The following OR14K1 variants were observed in gnomAD, a reference collection of about 807,000 sequenced individuals.
OR14K1 encodes olfactory receptor 14K1.
For missense variants in OR14K1, 253 were observed against 174.4 expected (o/e 1.45, Z -2.54); for synonymous variants, 104 against 70.0 (o/e 1.49, Z -2.42).
Position 247,739,276 on chromosome 1 carries a change from C to G in OR14K1, c.662C>G (p.Ser221Cys), listed in dbSNP as rs754928757. Residue 221 changes from serine (S) to cysteine (C), a missense_variant, in exon 1 of 1, where the codon TCT becomes TGT. Physicochemically the swap from Ser to Cys is moderately radical, Grantham distance 112 (BLOSUM62 -1). Transcript: ENST00000283225. ...CIVVSYVYIF[S>C]AVLRISQRQR... The stretch of plus-strand genomic sequence containing the variant: ...GTAGTTTCCTATGTGTACATTTTCT[C>G]TGCTGTGTTAAGGATATCACAGAGA... The G allele has an allele frequency of 7.7e-6, 6 of 780,750 alleles. No individual in the cohort carries two copies. The highest frequency in any genetic ancestry group is 1.4e-5 in the Non-Finnish European group (6 of 417,998). The allele number at this position is 780,750 out of a possible 1,614,324, so 48.4% of individuals were successfully genotyped here.
In OR14K1 at chr1:247,738,797, C is replaced by T; in HGVS notation, c.183C>T (p.Leu61=). 1 of 780,816 alleles carries T rather than the reference C, an allele frequency of 1.3e-6. No homozygotes were observed. The highest frequency in any genetic ancestry group is 2.4e-6 in the Non-Finnish European group (1 of 417,964). The allele number at this position is 780,816 out of a possible 1,614,324, so 48.4% of individuals were successfully genotyped here. A position where few individuals can be genotyped will look rare whatever the true frequency, so the allele number is the denominator to read the frequency against. The part of the protein sequence containing the change: ...HRLHMAMYFF[L]RHLSFLDLCL... ...TCCACATGGCAATGTACTTTTTCCT[C>T]CGACATTTGTCCTTCTTAGACCTGT... is the stretch of plus-strand genomic sequence containing the variant. The change falls in exon 1 of 1, where the codon CTC becomes CTT. Residue 61 remains leucine (L), a synonymous_variant. Transcript: ENST00000283225.
In OR14K1 at chr1:247,739,039, T is replaced by G; in HGVS notation, c.425T>G (p.Leu142Trp). The G allele has an allele frequency of 1.3e-6, 1 of 780,788 alleles. No individual in the cohort carries two copies. The highest frequency in any genetic ancestry group is 1.3e-5 in the South Asian group (1 of 74,594). The allele number at this position is 780,788 out of a possible 1,614,324, so 48.4% of individuals were successfully genotyped here. A position where few individuals can be genotyped will look rare whatever the true frequency, so the allele number is the denominator to read the frequency against. ...AVMSRGLCVQ[L>W]MALSWLNRGA... The stretch of plus-strand genomic sequence containing the variant: ...ATGAGCAGAGGGCTCTGTGTCCAGT[T>G]GATGGCTCTGTCCTGGCTCAACAGA... Residue 142 changes from leucine (L) to tryptophan (W), a missense_variant, in exon 1 of 1, where the codon TTG becomes TGG. Physicochemically the swap from Leu to Trp is moderately conservative, Grantham distance 61. Transcript: ENST00000283225.
rs1413014689 is a variant in OR14K1, at chr1:247,739,053, T to C, written c.439T>C (p.Trp147Arg). The change falls in exon 1 of 1, where the codon TGG becomes CGG. Residue 147 changes from tryptophan to arginine, a missense_variant. Physicochemically the swap from Trp to Arg is moderately radical, Grantham distance 101. Transcript: ENST00000283225. ...CTGTGTCCAGTTGATGGCTCTGTCC[T>C]GGCTCAACAGAGGGGCCTTGGGACT... ...GLCVQLMALS[W>R]LNRGALGLLY... 2 of 780,686 alleles carry C rather than the reference T, an allele frequency of 2.6e-6. No individual in the cohort carries two copies. The highest frequency in any genetic ancestry group is 1.3e-5 in the South Asian group (1 of 74,612). 48.4% of individuals were successfully genotyped at this position (780,686 alleles called of 1,614,324 possible).
rs117057185 is a variant in OR14K1, at chr1:247,738,636, A to G, written c.22A>G (p.Met8Val). Residue 8 changes from methionine (M) to valine (V), a missense_variant, in exon 1 of 1, where the codon ATG becomes GTG. Physicochemically the swap from Met to Val is conservative, Grantham distance 21. Transcript: ENST00000283225. MTNQTQM[M>V]EFLLVRFTEN... ...AACTATGACCAATCAGACACAGATG[A>G]TGGAATTCTTGCTTGTGAGATTTAC... The G allele has an allele frequency of 1.3e-4, 100 of 780,074 alleles. No individual in the cohort carries two copies. The East Asian group carries it at 2.4e-3, about 19-fold the overall frequency. The allele number at this position is 780,074 out of a possible 1,614,324, so 48.3% of individuals were successfully genotyped here.
At position 247,739,018 on chromosome 1, in the gene OR14K1, G is replaced by A. The variant is rs751585299; in HGVS notation, c.404G>A (p.Ser135Asn). 10 of 780,648 alleles carry A rather than the reference G, an allele frequency of 1.3e-5. No homozygotes were observed. Among genetic ancestry groups the A allele is most frequent in the Non-Finnish European group, 2.2e-5 (9 of 417,952 alleles). 48.4% of individuals were successfully genotyped at this position (780,648 alleles called of 1,614,324 possible). Residue 135 changes from serine (S) to asparagine (N), a missense_variant, in exon 1 of 1, where the codon AGC becomes AAC. Ser to Asn is a conservative substitution (Grantham distance 46). Coordinates refer to ENST00000283225, the MANE Select transcript of OR14K1 (RefSeq NM_001004732.2). The part of the protein sequence containing the change: ...CCPLHCEAVM[S>N]RGLCVQLMAL... ...CCCCTACACTGTGAGGCTGTCATGA[G>A]CAGAGGGCTCTGTGTCCAGTTGATG...
rs567311416 is a variant in OR14K1 at position 247,739,213 on chromosome 1, T to C, written c.599T>C (p.Ile200Thr). Residue 200 changes from isoleucine to threonine, a missense_variant, in exon 1 of 1, where the codon ATT becomes ACT. Transcript: ENST00000283225. ...EHAIISVSVAIGVCYAFSCLV... is the reference protein window; with the variant it reads ...EHAIISVSVATGVCYAFSCLV... Reference sequence around the variant, plus strand: ...GCCATCATTAGTGTCAGTGTGGCCATTGGGGTCTGTTATGCATTTTCATGT... The same window carrying C: ...GCCATCATTAGTGTCAGTGTGGCCACTGGGGTCTGTTATGCATTTTCATGT... The C allele has an allele frequency of 2.0e-5, 16 of 780,876 alleles. No homozygotes were observed. The highest frequency in any genetic ancestry group is 7.3e-5 in the East Asian group (3 of 41,250). 48.4% of individuals were successfully genotyped at this position (780,876 alleles called of 1,614,324 possible). A position where few individuals can be genotyped will look rare whatever the true frequency, so the allele number is the denominator to read the frequency against.
rs1313250733 is a variant in OR14K1 at position 247,738,657 on chromosome 1, T to G, written c.43T>G (p.Phe15Val). 15 of 780,516 alleles carry G rather than the reference T, an allele frequency of 1.9e-5. No individual in the cohort carries two copies. Among genetic ancestry groups the G allele is most frequent in the Non-Finnish European group, 3.1e-5 (13 of 417,892 alleles). 48.3% of individuals were successfully genotyped at this position (780,516 alleles called of 1,614,324 possible). ...TQMMEFLLVRFTENWVLLRLH... is the reference protein window; with the variant it reads ...TQMMEFLLVRVTENWVLLRLH... Reference sequence around the variant, plus strand: ...GATGATGGAATTCTTGCTTGTGAGATTTACTGAGAATTGGGTGCTCCTGAG... The same window carrying G: ...GATGATGGAATTCTTGCTTGTGAGAGTTACTGAGAATTGGGTGCTCCTGAG... Residue 15 changes from phenylalanine (F) to valine (V), a missense_variant, in exon 1 of 1, where the codon TTT becomes GTT. Transcript: ENST00000283225.
rs779505507 is a variant in OR14K1 at position 247,738,907 on chromosome 1, A to G, written c.293A>G (p.Gln98Arg). ...ATCTCCTTCCTGGGGTGTGTGTTGC[A>G]GCTCTTCTTGGTGGTACTGCTGGCT... The part of the protein sequence containing the change: ...DSISFLGCVL[Q>R]LFLVVLLAGS... Residue 98 changes from glutamine to arginine, a missense_variant, in exon 1 of 1, where the codon CAG becomes CGG. Physicochemically the swap from Gln to Arg is conservative, Grantham distance 43 (BLOSUM62 1). Transcript: ENST00000283225. 1 of 778,224 alleles carries G rather than the reference A, an allele frequency of 1.3e-6. No homozygotes were observed. Among genetic ancestry groups the G allele is most frequent in the Admixed American group, 1.7e-5 (1 of 58,808 alleles). 48.2% of individuals were successfully genotyped at this position (778,224 alleles called of 1,614,324 possible). A position where few individuals can be genotyped will look rare whatever the true frequency, so the allele number is the denominator to read the frequency against.
Position 247,738,855 on chromosome 1 carries a change from C to T in OR14K1, c.241C>T (p.Leu81Phe), listed in dbSNP as rs773853086. ...TTCTGCCACAGTCCCCAAATCCATC[C>T]TCAACTCTGTCGCCTCCACTGACTC... ...LISATVPKSI[L>F]NSVASTDSIS... The change falls in exon 1 of 1, where the codon CTC becomes TTC. Residue 81 changes from leucine (L) to phenylalanine (F), a missense_variant. Transcript: ENST00000283225. 1.3e-5 allele frequency: 10 copies of T among 780,634 alleles called. No homozygotes were observed. Among genetic ancestry groups the T allele is most frequent in the Non-Finnish European group, 2.4e-5 (10 of 417,964 alleles). 48.4% of individuals were successfully genotyped at this position (780,634 alleles called of 1,614,324 possible). A position where few individuals can be genotyped will look rare whatever the true frequency, so the allele number is the denominator to read the frequency against.
rs1660752215 is a variant in OR14K1 at position 247,739,235 on chromosome 1, A to G, written c.621A>G (p.Ser207=). The change falls in exon 1 of 1, where the codon TCA becomes TCG. Residue 207 remains serine, a synonymous_variant. Transcript: ENST00000283225. The stretch of plus-strand genomic sequence containing the variant: ...CCATTGGGGTCTGTTATGCATTTTC[A>G]TGTTTAGTTTGCATTGTAGTTTCCT... The part of the protein sequence containing the change: ...SVAIGVCYAF[S]CLVCIVVSYV... 1 of 780,572 alleles carries G rather than the reference A, an allele frequency of 1.3e-6. No individual in the cohort carries two copies. Among genetic ancestry groups the G allele is most frequent in the African/African-American group, 1.7e-5 (1 of 59,064 alleles). The allele number at this position is 780,572 out of a possible 1,614,324, so 48.4% of individuals were successfully genotyped here.
rs754960440 is a variant in OR14K1 at position 247,739,148 on chromosome 1, T to A, written c.534T>A (p.Asp178Glu). The change falls in exon 1 of 1, where the codon GAT (aspartate) becomes GAA (glutamate). Residue 178 changes from aspartate to glutamate, a missense_variant. By Grantham distance (45) the Asp-to-Glu change is conservative. Coordinates refer to ENST00000283225, the MANE Select transcript of OR14K1 (RefSeq NM_001004732.2). Reference protein sequence around the residue: ...GSDELHQFFCDVPALLKLTCS... With the variant: ...GSDELHQFFCEVPALLKLTCS... Reference sequence around the variant, plus strand: ...ATGAGCTACATCAGTTCTTCTGCGATGTCCCTGCCCTACTAAAGCTCACTT... The same window carrying A: ...ATGAGCTACATCAGTTCTTCTGCGAAGTCCCTGCCCTACTAAAGCTCACTT... 1.3e-6 allele frequency: 1 copy of A among 780,938 alleles called. No homozygotes were observed. The highest frequency in any genetic ancestry group is 2.4e-6 in the Non-Finnish European group (1 of 417,978). 48.4% of individuals were successfully genotyped at this position (780,938 alleles called of 1,614,324 possible).
chr1:247,739,407 C>A lies in OR14K1; in HGVS notation c.793C>A (p.Pro265Thr). ...VAYLKPGSDAPSILDLLVSVF... is the reference protein window; with the variant it reads ...VAYLKPGSDATSILDLLVSVF... ...TTATTTAAAGCCAGGGTCTGATGCA[C>A]CTTCTATTCTAGACTTGCTGGTGTC... Residue 265 changes from proline to threonine, a missense_variant, in exon 1 of 1, where the codon CCT becomes ACT. Transcript: ENST00000283225. 1.3e-6 allele frequency: 1 copy of A among 780,770 alleles called. No homozygotes were observed. Among genetic ancestry groups the A allele is most frequent in the Non-Finnish European group, 2.4e-6 (1 of 417,972 alleles). 48.4% of individuals were successfully genotyped at this position (780,770 alleles called of 1,614,324 possible).
rs979684338 is a variant in OR14K1, at chr1:247,739,374, G to C, written c.760G>C (p.Ala254Pro). Residue 254 changes from alanine to proline, a missense_variant, in exon 1 of 1, where the codon GCT becomes CCT. Ala to Pro is a conservative substitution (Grantham distance 27, BLOSUM62 -1). Coordinates refer to ENST00000283225, the MANE Select transcript of OR14K1 (RefSeq NM_001004732.2). ...IVVTVFLVTGAVAYLKPGSDA... is the reference protein window; with the variant it reads ...IVVTVFLVTGPVAYLKPGSDA... Reference sequence around the variant, plus strand: ...TGTCACTGTGTTTCTTGTAACAGGTGCTGTTGCTTATTTAAAGCCAGGGTC... The same window carrying C: ...TGTCACTGTGTTTCTTGTAACAGGTCCTGTTGCTTATTTAAAGCCAGGGTC... The C allele has an allele frequency of 2.6e-6, 2 of 780,774 alleles. No homozygotes were observed. Among genetic ancestry groups the C allele is most frequent in the Non-Finnish European group, 4.8e-6 (2 of 417,956 alleles). The allele number at this position is 780,774 out of a possible 1,614,324, so 48.4% of individuals were successfully genotyped here.
Position 247,739,452 on chromosome 1 carries a change from C to A in OR14K1, c.838C>A (p.Pro280Thr), listed in dbSNP as rs1330908309. Residue 280 changes from proline to threonine, a missense_variant, in exon 1 of 1, where the codon CCT (proline) becomes ACT (threonine). Coordinates refer to ENST00000283225, the MANE Select transcript of OR14K1 (RefSeq NM_001004732.2). Reference protein sequence around the residue: ...LLVSVFYSVAPPTLNPVIYCL... With the variant: ...LLVSVFYSVATPTLNPVIYCL... ...GGTGTCTGTGTTCTATTCTGTCGCA[C>A]CTCCAACCTTGAACCCTGTTATCTA... The A allele has an allele frequency of 6.4e-6, 5 of 780,626 alleles. No individual in the cohort carries two copies. In the African/African-American group the frequency reaches 6.8e-5, roughly 11 times the overall value. 48.4% of individuals were successfully genotyped at this position (780,626 alleles called of 1,614,324 possible).
chr1:247,739,398 T>A lies in OR14K1; in HGVS notation c.784T>A (p.Ser262Thr). The A allele has an allele frequency of 1.3e-6, 1 of 780,776 alleles. No homozygotes were observed. Among genetic ancestry groups the A allele is most frequent in the Non-Finnish European group, 2.4e-6 (1 of 417,958 alleles). The allele number at this position is 780,776 out of a possible 1,614,324, so 48.4% of individuals were successfully genotyped here. ...TGCTGTTGCTTATTTAAAGCCAGGG[T>A]CTGATGCACCTTCTATTCTAGACTT... Reference protein sequence around the residue: ...TGAVAYLKPGSDAPSILDLLV... With the variant: ...TGAVAYLKPGTDAPSILDLLV... Residue 262 changes from serine (S) to threonine (T), a missense_variant, in exon 1 of 1, where the codon TCT (serine) becomes ACT (threonine). Ser to Thr is a moderately conservative substitution (Grantham distance 58, BLOSUM62 1). Transcript: ENST00000283225.
Position 247,738,895 on chromosome 1 carries a change from G to A in OR14K1, c.281G>A (p.Gly94Glu), listed in dbSNP as rs1329012674. 1.3e-6 allele frequency: 1 copy of A among 780,374 alleles called. No individual in the cohort carries two copies. The highest frequency in any genetic ancestry group is 1.7e-5 in the African/African-American group (1 of 59,022). 48.3% of individuals were successfully genotyped at this position (780,374 alleles called of 1,614,324 possible). The change falls in exon 1 of 1, where the codon GGG becomes GAG. Residue 94 changes from glycine to glutamate, a missense_variant. Gly to Glu is a moderately conservative substitution (Grantham distance 98). Coordinates refer to ENST00000283225, the MANE Select transcript of OR14K1 (RefSeq NM_001004732.2). ...VASTDSISFL[G>E]CVLQLFLVVL... ...TCCACTGACTCCATCTCCTTCCTGG[G>A]GTGTGTGTTGCAGCTCTTCTTGGTG... is the stretch of plus-strand genomic sequence containing the variant.
chr1:247,738,832 C>T lies in OR14K1; in HGVS notation c.218C>T (p.Ser73Phe), dbSNP rs1572485422. 1 of 780,782 alleles carries T rather than the reference C, an allele frequency of 1.3e-6. No individual in the cohort carries two copies. The highest frequency in any genetic ancestry group is 2.4e-6 in the Non-Finnish European group (1 of 417,966). The allele number at this position is 780,782 out of a possible 1,614,324, so 48.4% of individuals were successfully genotyped here. Residue 73 changes from serine (S) to phenylalanine (F), a missense_variant, in exon 1 of 1, where the codon TCT becomes TTT. Ser to Phe is a radical substitution (Grantham distance 155). Coordinates refer to ENST00000283225, the MANE Select transcript of OR14K1 (RefSeq NM_001004732.2). ...TCCTTCTTAGACCTGTGTCTCATTT[C>T]TGCCACAGTCCCCAAATCCATCCTC... is the stretch of plus-strand genomic sequence containing the variant. ...HLSFLDLCLI[S>F]ATVPKSILNS...
Position 247,738,714 on chromosome 1 carries a change from C to T in OR14K1, c.100C>T (p.Leu34Phe). ...TGCTTTGCTCTTCTCACTGATCTACCTCACGGCTGTGCTGATGAATTTAGT... is the reference window on the plus strand; with the variant it reads ...TGCTTTGCTCTTCTCACTGATCTACTTCACGGCTGTGCTGATGAATTTAGT... ...LHALLFSLIYLTAVLMNLVII... is the reference protein window; with the variant it reads ...LHALLFSLIYFTAVLMNLVII... Residue 34 changes from leucine (L) to phenylalanine (F), a missense_variant, in exon 1 of 1, where the codon CTC (leucine) becomes TTC (phenylalanine). Physicochemically the swap from Leu to Phe is conservative, Grantham distance 22. Transcript: ENST00000283225. The T allele has an allele frequency of 1.3e-6, 1 of 780,822 alleles. No homozygotes were observed. The highest frequency in any genetic ancestry group is 2.4e-6 in the Non-Finnish European group (1 of 417,974). 48.4% of individuals were successfully genotyped at this position (780,822 alleles called of 1,614,324 possible).
In OR14K1 at chr1:247,738,831, T is replaced by C. The variant is rs1362920329; in HGVS notation, c.217T>C (p.Ser73Pro). 2 of 780,726 alleles carry C rather than the reference T, an allele frequency of 2.6e-6. No individual in the cohort carries two copies. The highest frequency in any genetic ancestry group is 4.8e-6 in the Non-Finnish European group (2 of 417,974). 48.4% of individuals were successfully genotyped at this position (780,726 alleles called of 1,614,324 possible). A position where few individuals can be genotyped will look rare whatever the true frequency, so the allele number is the denominator to read the frequency against. The change falls in exon 1 of 1, where the codon TCT becomes CCT. Residue 73 changes from serine to proline, a missense_variant. By Grantham distance (74) the Ser-to-Pro change is moderately conservative. Transcript: ENST00000283225. ...HLSFLDLCLI[S>P]ATVPKSILNS... ...GTCCTTCTTAGACCTGTGTCTCATT[T>C]CTGCCACAGTCCCCAAATCCATCCT...
Sources: allele counts gnomAD v4.1 joint callset, GRCh38; gene constraint gnomAD v4.1.1; transcripts MANE v1.5; gene names NCBI Gene and HGNC (gene_info 2026-07-23, HGNC 2026-07-21).